Variants in XKR9 observed in about 807,000 individuals in gnomAD.
The protein encoded by XKR9 is XK-related protein 9.
XKR9 carries 32 observed loss-of-function variants against 32.0 expected under a neutral mutation model. That is an observed-to-expected ratio of 1.00 (90% CI 0.76 to 1.34). The LOEUF is 1.34. XKR9 is among the 40% of genes most tolerant of loss of function. The probability of loss-of-function intolerance (pLI) is 0.00; values close to 1 mark genes in which losing one functional copy is unlikely to be tolerated. For synonymous variants in XKR9, 168 were observed against 143.4 expected, an observed-to-expected ratio of 1.17 and a Z score of -1.22; for missense variants, 546 against 429.7, an observed-to-expected ratio of 1.27 and a Z score of -2.39.
chr8:70,838,395 G>A, the XKR9 span, among the ~76,000 whole-genome samples: 1 of 152,022 alleles, frequency 6.6e-6, no homozygotes, highest in South Asian at 2.1e-4. Flanking sequence ...ATTACCCACC[G>A]TTTTACAGAC....
the XKR9 span, among the ~76,000 whole-genome samples, chr8:70,821,216 T>A: frequency 6.6e-6 from 1 of 152,206 alleles, no homozygotes; most frequent in Non-Finnish European, 1.5e-5. Context: ...GGCAGTCCAA[T>A]CTTAAAGCTC....
chr8:70,712,303 T>C (rs1365812426), intron 4 of XKR9, among the ~76,000 whole-genome samples: 1 of 152,086 alleles, frequency 6.6e-6, no homozygotes, highest in Non-Finnish European at 1.5e-5. Flanking sequence ...TCTTTAAAAA[T>C]CTTCCTAAAA....
intron 2 of XKR9, among the ~76,000 whole-genome samples, chr8:70,756,893 G>T (rs1489159561): frequency 1.3e-5 from 2 of 152,114 alleles, no homozygotes; most frequent in African/African-American, 4.8e-5. Context: ...AAATAGAAGT[G>T]TTGAGGGTGG....
the XKR9 span, among the ~76,000 whole-genome samples, chr8:70,886,449 C>T: frequency 6.6e-6 from 1 of 152,224 alleles, no homozygotes; most frequent in African/African-American, 2.4e-5. Context: ...GTTCTATATC[C>T]TTGAGGAATC....
At chr8:70,752,301 C>T (rs1807153570) in intron 2 of XKR9, among the ~76,000 whole-genome samples, 1 of 152,124 alleles carries the variant, frequency 6.6e-6, no homozygotes, top group Non-Finnish European at 1.5e-5. Context: ...TACCTGAATA[C>T]CCGAGTCTTG....
At chr8:70,955,893 A>C in the XKR9 span, among the ~76,000 whole-genome samples, 1 of 152,176 alleles carries the variant, frequency 6.6e-6, no homozygotes, top group Non-Finnish European at 1.5e-5. Context: ...TTGTGGCTGG[A>C]TCAGATGTAC....
At chr8:70,699,515 C>T (rs190434668) in intron 3 of XKR9, among the ~76,000 whole-genome samples, 14 of 152,176 alleles carry the variant, frequency 9.2e-5, no homozygotes, top group Non-Finnish European at 1.5e-4. Flanking sequence ...TTGGCCCCCA[C>T]TCTCTTCTGG....
chr8:70,896,555 T>C, the XKR9 span, among the ~76,000 whole-genome samples: 1 of 151,982 alleles, frequency 6.6e-6, no homozygotes, highest in Non-Finnish European at 1.5e-5. Context: ...GTTCTGTTTT[T>C]TTTTTTCTTG....
At chr8:70,677,663 C>A (rs1586803828) in intron 2 of XKR9, among the ~76,000 whole-genome samples, 1 of 152,096 alleles carries the variant, frequency 6.6e-6, no homozygotes, top group African/African-American at 2.4e-5. Context: ...GTGGGTAGGA[C>A]CTAAGCATTG....
chr8:70,697,140 T>C (rs1315082297), intron 3 of XKR9, among the ~76,000 whole-genome samples: 1 of 150,138 alleles, frequency 6.7e-6, no homozygotes, highest in East Asian at 1.9e-4. Context: ...CAGGGACAAT[T>C]TGACTTCCTC....
the XKR9 span, among the ~76,000 whole-genome samples, chr8:70,895,971 G>C: frequency 3.9e-5 from 6 of 152,232 alleles, no homozygotes; most frequent in Middle Eastern, 3.4e-3. Context: ...TCGCACCACT[G>C]CAATCCAGCC....
chr8:70,811,076 T>G, the XKR9 span, among the ~76,000 whole-genome samples: 1 of 152,054 alleles, frequency 6.6e-6, no homozygotes, highest in Admixed American at 6.6e-5. Context: ...AGAACAGAAA[T>G]TATAACAAAC....
chr8:71,050,276 T>TATAGATATAGATATATATATAG, the XKR9 span, among the ~76,000 whole-genome samples: 2 of 59,908 alleles, frequency 3.3e-5, no homozygotes, highest in South Asian at 7.4e-4. Flanking sequence ...GATAGATAGA[T>TATAGATATAGATATATATATAG]ATAGATATAG....
At chr8:70,917,848 T>C in the XKR9 span, among the ~76,000 whole-genome samples, 1 of 152,214 alleles carries the variant, frequency 6.6e-6, no homozygotes, top group Non-Finnish European at 1.5e-5. Flanking sequence ...GCTTCTTTCA[T>C]CATTCTCTTC....
the XKR9 span, among the ~76,000 whole-genome samples, chr8:70,956,091 C>T: frequency 1.1e-4 from 16 of 152,224 alleles, no homozygotes; most frequent in East Asian, 3.9e-4. Flanking sequence ...TGCAACATGG[C>T]GAGCAGTGGG....
chr8:70,729,916 A>G (rs545491222), intron 4 of XKR9, among the ~76,000 whole-genome samples: 1 of 152,356 alleles, frequency 6.6e-6, no homozygotes, highest in South Asian at 2.1e-4. Flanking sequence ...TAATGTCTAA[A>G]GGATTAATTA....
At chr8:70,873,066 A>T in the XKR9 span, among the ~76,000 whole-genome samples, 1 of 152,198 alleles carries the variant, frequency 6.6e-6, no homozygotes, top group Admixed American at 6.5e-5. Context: ...GAAATGGAAG[A>T]GCAAAGTCTG....
chr8:70,728,997 C>G (rs1455430393), intron 4 of XKR9, among the ~76,000 whole-genome samples: 2 of 152,212 alleles, frequency 1.3e-5, no homozygotes, highest in Non-Finnish European at 2.9e-5. Context: ...ACATTCTTTA[C>G]TTACCACAGA....
the XKR9 span, among the ~76,000 whole-genome samples, chr8:70,816,538 A>T: frequency 2.6e-5 from 4 of 152,236 alleles, no homozygotes; most frequent in South Asian, 8.3e-4. Flanking sequence ...TATTACTGTG[A>T]GATACTATAT....
Sources: gnomAD v4.1 joint callset for allele counts (sites outside exome capture counted in the v4.1 genomes callset) on GRCh38, gnomAD v4.1.1 for gene constraint, MANE v1.5 for transcripts, NCBI Gene and HGNC (gene_info 2026-07-23, HGNC 2026-07-21) for gene names.